The following CRB2 variants were observed in gnomAD, a reference collection of about 807,000 sequenced individuals.
The protein encoded by CRB2 is crumbs cell polarity complex component 2, also known as protein crumbs homolog 2.
In CRB2, 85 loss-of-function variants were observed where a neutral mutation model predicts 110.9. The observed-to-expected ratio is 0.77, with a 90% CI of 0.64 to 0.92. The LOEUF is 0.92. CRB2 is among the 40% of genes least tolerant of loss of function. The probability of loss-of-function intolerance (pLI) is 0.00; values close to 1 mark genes in which losing one functional copy is unlikely to be tolerated. For missense variants in CRB2, 1,843 were observed against 1,851.3 expected, an observed-to-expected ratio of 1.00 and a Z score of 0.08; for synonymous variants, 907 against 831.0, an observed-to-expected ratio of 1.09 and a Z score of -1.57.
rs1238604105 is a variant in CRB2 at position 123,370,514 on chromosome 9, A to G, written c.1461A>G (p.Ala487=). 1.9e-6 allele frequency: 3 copies of G among 1,613,336 alleles called. No individual in the cohort carries two copies. The highest frequency in any genetic ancestry group is 1.7e-5 in the Admixed American group (1 of 59,998). ...ACACCAAGGAAAGCTTGGAGCTGGC[A>G]TTGGTGGCAGCCACACTTCAGGCCA... The part of the protein sequence containing the change: ...RNDTKESLEL[A]LVAATLQATL... The change falls in exon 7 of 13, where the codon GCA becomes GCG. Residue 487 remains alanine, a synonymous_variant. Transcript: ENST00000373631.
chr9:123,374,084 A>G, intron 10 of CRB2, 164 bp downstream of exon 10: 1 of 1,003,356 alleles, frequency 1.0e-6, no homozygotes, highest in Non-Finnish European at 1.5e-6. Flanking sequence ...TCCTGATAAA[A>G]TACAGATCAA....
At chr9:123,372,048 C>G in intron 8 of CRB2, 129 bp from the exon 9 acceptor site, 1 of 926,296 alleles carries the variant, frequency 1.1e-6, no homozygotes. Context: ...TAGCGACTTC[C>G]TCTCCCCTCG....
chr9:123,375,946 G>T (rs961916075), intron 12 of CRB2, among the ~76,000 whole-genome samples: 1 of 152,088 alleles, frequency 6.6e-6, no homozygotes, highest in Non-Finnish European at 1.5e-5. Flanking sequence ...GCTTGGAAGG[G>T]AAGTCTGGGG....
At position 123,373,680 on chromosome 9, in the gene CRB2, C is replaced by G; in HGVS notation, c.3149C>G (p.Pro1050Arg). The change falls in exon 10 of 13, where the codon CCG becomes CGG. Residue 1050 changes from proline to arginine, a missense_variant. By Grantham distance (103) the Pro-to-Arg change is moderately radical (BLOSUM62 -2). Transcript: ENST00000373631. ...HFASWPGTPA[P>R]ILGCRGAPVC... ...GCGTCTTGGCCTGGGACGCCGGCCC[C>G]GATCCTCGGCTGCCGCGGCGCGCCC... is the stretch of plus-strand genomic sequence containing the variant. The G allele has an allele frequency of 6.8e-7, 1 of 1,461,816 alleles. No homozygotes were observed. Among genetic ancestry groups the G allele is most frequent in the Non-Finnish European group, 9.0e-7 (1 of 1,116,828 alleles). 90.6% of individuals were successfully genotyped at this position (1,461,816 alleles called of 1,614,324 possible).
At chr9:123,364,318 T>TGGGTTGTG (rs2041903302) in intron 2 of CRB2, among the ~76,000 whole-genome samples, 3 of 129,634 alleles carry the variant, frequency 2.3e-5, no homozygotes, top group Non-Finnish European at 3.3e-5. Context: ...AGTGGGTTGT[T>TGGGTTGTG]CGGGCAGTGG....
chr9:123,359,602 C>T (rs1244277146), intron 1 of CRB2, among the ~76,000 whole-genome samples: 1 of 152,008 alleles, frequency 6.6e-6, no homozygotes, highest in Admixed American at 6.6e-5. Flanking sequence ...GGACCCACCC[C>T]ATGCTTGGCT....
In CRB2 at chr9:123,375,213, C is replaced by T; in HGVS notation, c.3507-4C>T. 1 of 1,612,754 alleles carries T rather than the reference C, an allele frequency of 6.2e-7. No individual in the cohort carries two copies. The highest frequency in any genetic ancestry group is 8.5e-7 in the Non-Finnish European group (1 of 1,179,560). The stretch of plus-strand genomic sequence containing the variant: ...CCGCTTTCTCAGCCCCCCTCCCTCT[C>T]CAGGTGTCAGGTCCCCACTCTCCCC... On this transcript the variant is annotated splice_region_variant and splice_polypyrimidine_tract_variant and intron_variant, in intron 11 of 12. Coordinates refer to ENST00000373631, the MANE Select transcript of CRB2 (RefSeq NM_173689.7).
intron 1 of CRB2, among the ~76,000 whole-genome samples, chr9:123,360,942 C>T (rs1169131106): frequency 6.6e-6 from 1 of 152,150 alleles, no homozygotes; most frequent in East Asian, 1.9e-4. Flanking sequence ...TGGAGAAATT[C>T]CTTCCTCCCA....
In CRB2 at chr9:123,377,342, G is replaced by A. The variant is rs2130791401; in HGVS notation, c.*280G>A. 3 of 427,626 alleles carry A rather than the reference G, an allele frequency of 7.0e-6. No individual in the cohort carries two copies. In the East Asian group the frequency reaches 1.2e-4, roughly 17 times the overall value. 26.5% of individuals were successfully genotyped at this position (427,626 alleles called of 1,614,324 possible). On this transcript the variant is annotated 3_prime_UTR_variant, in exon 13 of 13. Coordinates refer to ENST00000373631, the MANE Select transcript of CRB2 (RefSeq NM_173689.7). Reference sequence around the variant, plus strand: ...GAGGGCACACGTGGGTTCACAGTGTGTTCAGGAGTGTGTGTATCTGGAGGA... The same window carrying A: ...GAGGGCACACGTGGGTTCACAGTGTATTCAGGAGTGTGTGTATCTGGAGGA...
upstream of CRB2, among the ~76,000 whole-genome samples, chr9:123,354,304 G>T (rs942503975): frequency 1.3e-5 from 2 of 152,244 alleles, no homozygotes; most frequent in Non-Finnish European, 2.9e-5. Flanking sequence ...GACCTGCGCC[G>T]GGTGACCTCC....
intron 1 of CRB2, among the ~76,000 whole-genome samples, chr9:123,359,441 G>GTTTTTTTTTTTTTTTTTTTTTTTTTT (rs375773781): frequency 3.2e-5 from 3 of 94,442 alleles, no homozygotes; most frequent in South Asian, 3.6e-4. Context: ...TTTTTGTTTT[G>GTTTTTTTTTTTTTTTTTTTTTTTTTT]TTTTTTTTTT....
chr9:123,356,196 T>G, upstream of CRB2: 1 of 1,131,226 alleles, frequency 8.8e-7, no homozygotes, highest in Non-Finnish European at 1.2e-6. Flanking sequence ...ACGAGGGGGG[T>G]GCGGAGCCAG....
Position 123,366,096 on chromosome 9 carries a change from C to A in CRB2, c.598C>A (p.His200Asn). 6.6e-7 allele frequency: 1 copy of A among 1,517,632 alleles called. No individual in the cohort carries two copies. Among genetic ancestry groups the A allele is most frequent in the Non-Finnish European group, 8.8e-7 (1 of 1,139,658 alleles). 94.0% of individuals were successfully genotyped at this position (1,517,632 alleles called of 1,614,324 possible). A position where few individuals can be genotyped will look rare whatever the true frequency, so the allele number is the denominator to read the frequency against. ...SQPCAHGGTC[H>N]DLVNGFRCDC... Reference sequence around the variant, plus strand: ...GCCGTGCGCACATGGGGGCACGTGCCACGACCTGGTCAACGGGTGAGCGAG... The same window carrying A: ...GCCGTGCGCACATGGGGGCACGTGCAACGACCTGGTCAACGGGTGAGCGAG... Residue 200 changes from histidine to asparagine, a missense_variant, in exon 3 of 13, where the codon CAC (histidine) becomes AAC (asparagine). Coordinates refer to ENST00000373631, the MANE Select transcript of CRB2 (RefSeq NM_173689.7).
intron 2 of CRB2, among the ~76,000 whole-genome samples, chr9:123,364,274 TG>T (rs2132749222): frequency 1.2e-5 from 1 of 84,036 alleles, no homozygotes; most frequent in South Asian, 3.7e-4. Flanking sequence ...TGCCAGTACC[TG>T]GGGGTGTCTG....
rs372500128 is a variant in CRB2 at position 123,370,901 on chromosome 9, C to T, written c.1848C>T (p.His616=). 72 of 1,613,140 alleles carry T rather than the reference C, an allele frequency of 4.5e-5. No individual in the cohort carries two copies. The East Asian group carries it at 6.2e-4, about 14-fold the overall frequency. ...AGTGCCGGCCTCTGCCTTGTGTCCA[C>T]GGAGGGTCCTGTGTGGATCTGTGGA... ...REQCRPLPCV[H]GGSCVDLWTH... Residue 616 remains histidine, a synonymous_variant, in exon 7 of 13, where the codon CAC becomes CAT. Coordinates refer to ENST00000373631, the MANE Select transcript of CRB2 (RefSeq NM_173689.7).
In CRB2 at chr9:123,372,374, G is replaced by A. The variant is rs760782421; in HGVS notation, c.2602+32G>A. 18 of 1,562,754 alleles carry A rather than the reference G, an allele frequency of 1.2e-5. No individual in the cohort carries two copies. The South Asian group carries it at 2.2e-4, about 19-fold the overall frequency. On this transcript the variant is annotated intron_variant, in intron 9 of 12. Transcript: ENST00000373631. The stretch of plus-strand genomic sequence containing the variant: ...GTGTGTCCTGGGCAGCTCCCGTGCT[G>A]GGTGCTGGACACCTAAGCTGGTTAG...
intron 5 of CRB2, 103 bp downstream of exon 5, chr9:123,367,460 A>G: frequency 2.0e-5 from 9 of 457,678 alleles, no homozygotes; most frequent in South Asian, 1.9e-4. Flanking sequence ...CACACCCCAC[A>G]CCCGAGTCTG....
intron 8 of CRB2, among the ~76,000 whole-genome samples, chr9:123,371,875 T>TG (rs1386426053): frequency 6.6e-6 from 1 of 152,084 alleles, no homozygotes; most frequent in Non-Finnish European, 1.5e-5. Context: ...AGGAGCTACT[T>TG]GGGGAGCGGG....
At chr9:123,371,630 G>T in intron 8 of CRB2, 52 bp downstream of exon 8, 1 of 1,602,758 alleles carries the variant, frequency 6.2e-7, no homozygotes, top group Admixed American at 1.7e-5. Context: ...CTTTTCCCAG[G>T]ATCTGTCCTG....
Sources: gnomAD v4.1 joint callset for allele counts (sites outside exome capture counted in the v4.1 genomes callset) on GRCh38, gnomAD v4.1.1 for gene constraint, MANE v1.5 for transcripts, NCBI Gene and HGNC (gene_info 2026-07-23, HGNC 2026-07-21) for gene names.